SLC2A13: variants seen among roughly 807,000 people sequenced by gnomAD.
SLC2A13 encodes solute carrier family 2 member 13.
In SLC2A13, 32 loss-of-function variants were observed where a neutral mutation model predicts 64.4. The observed-to-expected ratio is 0.50, with a 90% confidence interval of 0.37 to 0.67. The LOEUF (loss-of-function observed/expected upper bound fraction) is 0.67, where lower values mean the gene tolerates loss of function less well. Among genes scored for constraint, SLC2A13 ranks in the 30% least tolerant of loss-of-function variants. The pLI is 0.00. For missense variants in SLC2A13, 743 were observed against 829.2 expected, an observed-to-expected ratio of 0.90 and a Z score of 1.28; for synonymous variants, 338 against 327.1, an observed-to-expected ratio of 1.03 and a Z score of -0.36.
rs1306635250 is a variant in SLC2A13 at position 39,757,898 on chromosome 12, TTTGA to T, written c.*2124_*2127del. 1 of 152,194 alleles carries T rather than the reference TTTGA, an allele frequency of 6.6e-6. No homozygotes were observed. Among genetic ancestry groups the T allele is most frequent in the Non-Finnish European group, 1.5e-5 (1 of 67,678 alleles). 9.4% of individuals were successfully genotyped at this position (152,194 alleles called of 1,614,324 possible). On this transcript the variant is annotated 3_prime_UTR_variant, in exon 10 of 10. Coordinates refer to ENST00000280871, the MANE Select transcript of SLC2A13 (RefSeq NM_052885.4). The stretch of plus-strand genomic sequence containing the variant: ...TAAAGAGAAGGATTGAGGCAATTAT[TTTGA>T]TTAAGTCCAAAAAATAAATTTTTAG...
At position 39,759,842 on chromosome 12, in the gene SLC2A13, T is replaced by C. The variant is rs1178020018; in HGVS notation, c.*184A>G. ...TCTGTAAATATTTTTTAAAATATTG[T>C]TCCTTGTGGAAAAAAAAAGTCATCA... is the stretch of plus-strand genomic sequence containing the variant. On this transcript the variant is annotated 3_prime_UTR_variant, in exon 10 of 10. Coordinates refer to ENST00000280871, the MANE Select transcript of SLC2A13 (RefSeq NM_052885.4). 2 of 561,118 alleles carry C rather than the reference T, an allele frequency of 3.6e-6. No homozygotes were observed. The highest frequency in any genetic ancestry group is 3.8e-5 in the African/African-American group (2 of 52,738). 34.8% of individuals were successfully genotyped at this position (561,118 alleles called of 1,614,324 possible). A position where few individuals can be genotyped will look rare whatever the true frequency, so the allele number is the denominator to read the frequency against.
chr12:40,044,331 G>A (rs991372595), intron 2 of SLC2A13, among the ~76,000 whole-genome samples: 2 of 152,092 alleles, frequency 1.3e-5, no homozygotes, highest in Non-Finnish European at 2.9e-5. Flanking sequence ...GGGTTAGGGG[G>A]TGATGGCTAA....
rs149233917 is a variant in SLC2A13 at position 40,067,917 on chromosome 12, T to G, written c.557-19707A>C. ...TGAAAATTGCTTATTCTTTTTTTCT[T>G]GTTGAAGAAAGGGTCTCACTCTGTC... On this transcript the variant is annotated intron_variant, in intron 1 of 9. Coordinates refer to ENST00000280871, the MANE Select transcript of SLC2A13 (RefSeq NM_052885.4). Among the ~76,000 whole-genome samples, 1,364 of 152,282 alleles carry G rather than the reference T, an allele frequency of 9.0e-3. 12 individuals are homozygous for G. The highest frequency in any genetic ancestry group is 0.015 in the Non-Finnish European group (992 of 68,012).
intron 4 of SLC2A13, among the ~76,000 whole-genome samples, chr12:39,894,834 G>A (rs1944699426): frequency 6.6e-6 from 1 of 151,800 alleles, no homozygotes; most frequent in Non-Finnish European, 1.5e-5. Context: ...GAGAGGGAAA[G>A]AAAGCAAAAA....
At chr12:39,825,426 C>G (rs2135836871) in intron 7 of SLC2A13, among the ~76,000 whole-genome samples, 1 of 152,210 alleles carries the variant, frequency 6.6e-6, no homozygotes, top group South Asian at 2.1e-4. Context: ...TTGCTGCTCC[C>G]CTATAAGAAG....
chr12:39,995,132 G>T (rs148013503), intron 3 of SLC2A13, among the ~76,000 whole-genome samples: 1 of 152,002 alleles, frequency 6.6e-6, no homozygotes, highest in African/African-American at 2.4e-5. Context: ...CGTTGTGCAG[G>T]TCTCTTTTTT....
At chr12:39,957,695 C>T (rs995283470) in intron 3 of SLC2A13, among the ~76,000 whole-genome samples, 2 of 152,204 alleles carry the variant, frequency 1.3e-5, no homozygotes, top group African/African-American at 4.8e-5. Context: ...GGGAGCCTTT[C>T]ACTCATCTCT....
At position 39,952,558 on chromosome 12, in the gene SLC2A13, G is replaced by T. The variant is rs149204293; in HGVS notation, c.926-1193C>A. On this transcript the variant is annotated intron_variant, in intron 3 of 9. Transcript: ENST00000280871. ...ATTAATTAGAATGAAATATTATAGG[G>T]GTGAGAATATTCTATTCCTACATGG... Among the ~76,000 whole-genome samples the T allele has an allele frequency of 3.5e-3, 525 of 152,092 alleles. 1 individual carries two copies. Among genetic ancestry groups the T allele is most frequent in the Non-Finnish European group, 6.0e-3 (411 of 67,974 alleles).
At chr12:39,929,627 C>T (rs554622218) in intron 4 of SLC2A13, among the ~76,000 whole-genome samples, 1 of 151,982 alleles carries the variant, frequency 6.6e-6, no homozygotes, top group East Asian at 1.9e-4. Context: ...AGCATTTCTA[C>T]AGCTGTCCCT....
intron 7 of SLC2A13, among the ~76,000 whole-genome samples, chr12:39,796,019 C>T (rs1941561060): frequency 6.6e-6 from 1 of 152,096 alleles, no homozygotes; most frequent in African/African-American, 2.4e-5. Flanking sequence ...AACCCCACAG[C>T]CATTAGCAGT....
Position 39,759,956 on chromosome 12 carries a change from G to A in SLC2A13, c.*70C>T. ...AAAGAACCAGATTAGAAGCAGGGCA[G>A]TGAAGTCACCAATTGCTGTTCTTCT... On this transcript the variant is annotated 3_prime_UTR_variant, in exon 10 of 10. Coordinates refer to ENST00000280871, the MANE Select transcript of SLC2A13 (RefSeq NM_052885.4). 1 of 1,164,264 alleles carries A rather than the reference G, an allele frequency of 8.6e-7. No individual in the cohort carries two copies. The highest frequency in any genetic ancestry group is 1.3e-6 in the Non-Finnish European group (1 of 790,086). 72.1% of individuals were successfully genotyped at this position (1,164,264 alleles called of 1,614,324 possible).
chr12:39,898,527 A>T (rs1472861357), intron 4 of SLC2A13, among the ~76,000 whole-genome samples: 1 of 152,096 alleles, frequency 6.6e-6, no homozygotes, highest in African/African-American at 2.4e-5. Context: ...TGAACAGATT[A>T]CTATTCCTTC....
chr12:39,993,713 G>A (rs899232516), intron 3 of SLC2A13, among the ~76,000 whole-genome samples: 4 of 152,074 alleles, frequency 2.6e-5, no homozygotes, highest in African/African-American at 9.7e-5. Context: ...TATTTAATAG[G>A]TCATGAGCCA....
chr12:39,973,206 T>C (rs499072), intron 3 of SLC2A13, among the ~76,000 whole-genome samples: 152,340 of 152,350 alleles, frequency 1, 76,165 homozygotes, highest in Middle Eastern at 1. Context: ...CAACTACCTC[T>C]ACTAAGCAGA....
chr12:39,990,047 A>G (rs993387660), intron 3 of SLC2A13, among the ~76,000 whole-genome samples: 3 of 152,182 alleles, frequency 2.0e-5, no homozygotes, highest in African/African-American at 7.2e-5. Flanking sequence ...CAGTGAGGAG[A>G]AAATATTATT....
chr12:39,938,701 T>A (rs1945965204), intron 4 of SLC2A13, among the ~76,000 whole-genome samples: 2 of 144,284 alleles, frequency 1.4e-5, no homozygotes, highest in African/African-American at 5.0e-5. Context: ...TTTTTTTTTT[T>A]ACTAAAAATG....
chr12:40,054,188 T>G (rs913795401), intron 1 of SLC2A13, among the ~76,000 whole-genome samples: 1 of 152,178 alleles, frequency 6.6e-6, no homozygotes, highest in Non-Finnish European at 1.5e-5. Flanking sequence ...CTCACATTTT[T>G]GCTCTGGTAC....
At chr12:39,846,518 C>G (rs1187132176) in intron 6 of SLC2A13, among the ~76,000 whole-genome samples, 1 of 152,172 alleles carries the variant, frequency 6.6e-6, no homozygotes, top group Non-Finnish European at 1.5e-5. Flanking sequence ...GTGGTGCAAT[C>G]TCAGGTTACT....
intron 9 of SLC2A13, among the ~76,000 whole-genome samples, chr12:39,761,878 C>T (rs1466401130): frequency 1.3e-5 from 2 of 152,054 alleles, no homozygotes; most frequent in East Asian, 3.9e-4. Context: ...TTATCTTCAT[C>T]ATTATCTTTC....
Sources: allele counts gnomAD v4.1 joint callset (sites outside exome capture counted in the v4.1 genomes callset), GRCh38; gene constraint gnomAD v4.1.1; transcripts MANE v1.5; gene names NCBI Gene and HGNC (gene_info 2026-07-23, HGNC 2026-07-21).